PTAFR: variants seen among roughly 807,000 people sequenced by gnomAD.
PTAFR encodes platelet-activating factor receptor.
A neutral mutation model predicts 14.7 loss-of-function variants in PTAFR; 8 were observed. The ratio of observed to expected loss-of-function variants is 0.54; its 90% confidence interval spans 0.32 to 0.98. PTAFR has a LOEUF of 0.98. PTAFR is among the 50% of genes least tolerant of loss of function. The pLI is 0.04. For missense variants in PTAFR, 337 were observed against 451.2 expected (o/e 0.75, Z 2.29); for synonymous variants, 156 against 176.5 (o/e 0.88, Z 0.92).
intron 1 of PTAFR, among the ~76,000 whole-genome samples, chr1:28,157,633 T>A (rs897772351): frequency 3.3e-5 from 5 of 149,886 alleles, no homozygotes; most frequent in Non-Finnish European, 5.9e-5. Flanking sequence ...AATTTTGATT[T>A]TTTTTTTTTT....
chr1:28,178,091 T>A (rs34620613), upstream of PTAFR, among the ~76,000 whole-genome samples: 725 of 151,890 alleles, frequency 4.8e-3, 13 homozygotes, highest in Middle Eastern at 0.021. Context: ...GAAACTGAGG[T>A]CCCGACAGGA....
At chr1:28,154,259 T>C (rs2148993720) in intron 1 of PTAFR, among the ~76,000 whole-genome samples, 1 of 152,260 alleles carries the variant, frequency 6.6e-6, no homozygotes, top group Non-Finnish European at 1.5e-5. Flanking sequence ...GGAAGCTGAC[T>C]ACGGGGTGGT....
chr1:28,151,082 T>A, intron 1 of PTAFR, 23 bp from the exon 2 acceptor site: 1 of 1,411,552 alleles, frequency 7.1e-7, no homozygotes, highest in Non-Finnish European at 9.6e-7. Context: ...ACAAAAATTC[T>A]GGTTAATAAA....
intron 1 of PTAFR, among the ~76,000 whole-genome samples, chr1:28,171,465 G>C (rs1015091230): frequency 6.6e-6 from 1 of 152,044 alleles, no homozygotes; most frequent in African/African-American, 2.4e-5. Context: ...TTTGTGCCCT[G>C]ACCTGGCCGT....
chr1:28,190,434 T>G (rs532883369), intron 1 of PTAFR, among the ~76,000 whole-genome samples: 1 of 152,278 alleles, frequency 6.6e-6, no homozygotes, highest in East Asian at 1.9e-4. Context: ...TATTTAACAG[T>G]GCAGTGGATA....
At chr1:28,185,321 G>A (rs544264230) in intron 1 of PTAFR, among the ~76,000 whole-genome samples, 2 of 152,262 alleles carry the variant, frequency 1.3e-5, no homozygotes, top group South Asian at 2.1e-4. Context: ...AACATAGCTG[G>A]TAGGTAACAG....
In PTAFR at chr1:28,150,941, C is replaced by A. The variant is rs1646179435; in HGVS notation, c.81G>T (p.Val27=). Reference sequence around the variant, plus strand: ...CGTAGCCATTAGCAATGACCCCGAGCACAAAGATGATGCTGTAAACAATCG... The same window carrying A: ...CGTAGCCATTAGCAATGACCCCGAGAACAAAGATGATGCTGTAAACAATCG... The part of the protein sequence containing the change: ...LFPIVYSIIF[V]LGVIANGYVL... Residue 27 remains valine, a synonymous_variant, in exon 2 of 2, where the codon GTG becomes GTT. Coordinates refer to ENST00000373857, the MANE Select transcript of PTAFR (RefSeq NM_000952.5). The surrounding 1 kb of genome is among the most constrained non-coding windows in gnomAD (Gnocchi z 6.3). The A allele has an allele frequency of 6.2e-7, 1 of 1,614,042 alleles. No individual in the cohort carries two copies. Among genetic ancestry groups the A allele is most frequent in the South Asian group, 1.1e-5 (1 of 91,076 alleles).
chr1:28,172,087 C>T (rs1646459807), intron 1 of PTAFR, among the ~76,000 whole-genome samples: 1 of 152,158 alleles, frequency 6.6e-6, no homozygotes, highest in Non-Finnish European at 1.5e-5. Context: ...GCAATCTCAG[C>T]TTACTGCAAC....
chr1:28,191,615 A>G (rs1455889814), intron 1 of PTAFR, among the ~76,000 whole-genome samples: 1 of 148,334 alleles, frequency 6.7e-6, no homozygotes, highest in Non-Finnish European at 1.5e-5. Context: ...AGAGAGAGAG[A>G]GGTCTCCTAG....
chr1:28,171,655 G>T lies in PTAFR; in HGVS notation c.-39+4937C>A, dbSNP rs1646456030. ...CATGCACATTTATTGGCTGATGAATGAAGCACCATGTCTGGGAGAGGTTAC... is the reference window on the plus strand; with the variant it reads ...CATGCACATTTATTGGCTGATGAATTAAGCACCATGTCTGGGAGAGGTTAC... On this transcript the variant is annotated intron_variant, in intron 1 of 1. Transcript: ENST00000373857. 2.6e-5 allele frequency among the ~76,000 whole-genome samples: 4 copies of T among 152,292 alleles called. No homozygotes were observed. The South Asian group carries it at 8.3e-4, about 32-fold the overall frequency.
chr1:28,193,397 G>A (rs111289789), intron 1 of PTAFR, among the ~76,000 whole-genome samples: 1 of 152,100 alleles, frequency 6.6e-6, no homozygotes, highest in African/African-American at 2.4e-5. Context: ...GGAGGGTCAT[G>A]GGTTGTATCT....
chr1:28,161,205 C>T (rs1229438481), intron 1 of PTAFR, among the ~76,000 whole-genome samples: 1 of 152,186 alleles, frequency 6.6e-6, no homozygotes, highest in Non-Finnish European at 1.5e-5. Flanking sequence ...ATTCTTTGGA[C>T]TTCCGTAGCT....
chr1:28,153,929 C>A (rs1646228290), intron 1 of PTAFR, among the ~76,000 whole-genome samples: 1 of 151,888 alleles, frequency 6.6e-6, no homozygotes, highest in Non-Finnish European at 1.5e-5. Flanking sequence ...TGGTGCTTGC[C>A]TGTAGTCCTA....
At chr1:28,165,110 A>G (rs1431220163) in intron 1 of PTAFR, among the ~76,000 whole-genome samples, 1 of 152,172 alleles carries the variant, frequency 6.6e-6, no homozygotes, top group Non-Finnish European at 1.5e-5. Context: ...ACTTAGAAAT[A>G]AACTTAACCA....
intron 1 of PTAFR, among the ~76,000 whole-genome samples, chr1:28,168,166 T>C (rs1572039278): frequency 7.1e-6 from 1 of 140,154 alleles, no homozygotes. Context: ...AGAGAAGGGG[T>C]TTCACCGTGT....
upstream of PTAFR, among the ~76,000 whole-genome samples, chr1:28,177,703 G>GT (rs1377187702): frequency 6.6e-6 from 1 of 151,502 alleles, no homozygotes; most frequent in Admixed American, 6.6e-5. Flanking sequence ...CTGAAAACAG[G>GT]TTTGATTAGA....
At chr1:28,167,670 G>A (rs1411467452) in intron 1 of PTAFR, among the ~76,000 whole-genome samples, 5 of 102,192 alleles carry the variant, frequency 4.9e-5, no homozygotes, top group African/African-American at 2.0e-4. Context: ...TTTTGAGATG[G>A]AGCCTTACTC....
chr1:28,174,461 CCAGT>C (rs1395680000), intron 1 of PTAFR, among the ~76,000 whole-genome samples: 1 of 152,158 alleles, frequency 6.6e-6, no homozygotes, highest in African/African-American at 2.4e-5. Context: ...CTTCCCACCA[CCAGT>C]CAGAGAAAAC....
chr1:28,158,020 A>T (rs1646285522), intron 1 of PTAFR, among the ~76,000 whole-genome samples: 1 of 152,188 alleles, frequency 6.6e-6, no homozygotes, highest in Non-Finnish European at 1.5e-5. Context: ...TCATTCATGC[A>T]TTCGTTGGAC....
Sources: gnomAD v4.1 joint callset for allele counts (sites outside exome capture counted in the v4.1 genomes callset) on GRCh38, gnomAD v4.1.1 for gene constraint, Gnocchi (gnomAD v3.1) non-coding constraint, MANE v1.5 for transcripts, NCBI Gene and HGNC (gene_info 2026-07-23, HGNC 2026-07-21) for gene names.